Variants in MDFIC2 observed in about 807,000 individuals in gnomAD.
MDFIC2 encodes MyoD family inhibitor domain containing 2, also known as myoD family inhibitor domain-containing protein 2.
intron 2 of MDFIC2, among the ~76,000 whole-genome samples, chr3:70,281,681 C>G (rs1702085034): frequency 6.6e-6 from 1 of 152,132 alleles, no homozygotes; most frequent in Admixed American, 6.6e-5. Context: ...CTGAGGAATC[C>G]TCACCATCAT....
At chr3:70,262,207 A>G (rs925392276) in intron 2 of MDFIC2, among the ~76,000 whole-genome samples, 2 of 152,338 alleles carry the variant, frequency 1.3e-5, no homozygotes, top group Admixed American at 6.5e-5. Flanking sequence ...AAATCATATG[A>G]TGAAAGGATG....
At chr3:70,274,056 CGTGTGTGT>C (rs111792704) in intron 2 of MDFIC2, among the ~76,000 whole-genome samples, 3 of 142,952 alleles carry the variant, frequency 2.1e-5, no homozygotes, top group South Asian at 2.4e-4. Context: ...ATTAAACCTC[CGTGTGTGT>C]GTGTGTGTGT....
chr3:70,293,575 G>T (rs561402520), intron 2 of MDFIC2, among the ~76,000 whole-genome samples: 9 of 152,046 alleles, frequency 5.9e-5, no homozygotes, highest in Non-Finnish European at 1.2e-4. Flanking sequence ...AAACATCTGT[G>T]CCTTACTTGG....
chr3:70,236,195 A>G (rs1221479344), intron 2 of MDFIC2, among the ~76,000 whole-genome samples: 1 of 151,284 alleles, frequency 6.6e-6, no homozygotes, highest in Non-Finnish European at 1.5e-5. Flanking sequence ...CCAAACTAAA[A>G]TCGACTTGGC....
intron 2 of MDFIC2, among the ~76,000 whole-genome samples, chr3:70,308,424 G>T (rs538333516): frequency 4.3e-4 from 66 of 152,192 alleles, no homozygotes; most frequent in Non-Finnish European, 8.2e-4. Flanking sequence ...TCCAAGCATG[G>T]TTTTAAAATG....
At chr3:70,212,893 A>G (rs1332310139) in intron 2 of MDFIC2, among the ~76,000 whole-genome samples, 1 of 152,046 alleles carries the variant, frequency 6.6e-6, no homozygotes, top group Non-Finnish European at 1.5e-5. Context: ...TCCCAGACTC[A>G]GGTGATCCTC....
chr3:70,199,001 A>G (rs1701208869), intron 3 of MDFIC2, among the ~76,000 whole-genome samples: 1 of 152,224 alleles, frequency 6.6e-6, no homozygotes, highest in Non-Finnish European at 1.5e-5. Context: ...GACCACTACT[A>G]TAGCAGTGGC....
chr3:70,296,827 G>T (rs979288815), intron 2 of MDFIC2, among the ~76,000 whole-genome samples: 6 of 151,944 alleles, frequency 3.9e-5, no homozygotes, highest in Admixed American at 6.6e-5. Flanking sequence ...AGCTGGAGTG[G>T]TTTTTTTAAA....
At chr3:70,312,320 A>G (rs1181147519) in intron 1 of MDFIC2, among the ~76,000 whole-genome samples, 1 of 152,232 alleles carries the variant, frequency 6.6e-6, no homozygotes, top group Non-Finnish European at 1.5e-5. Context: ...TATAGCCTAT[A>G]GAAAAGCATG....
intron 2 of MDFIC2, among the ~76,000 whole-genome samples, chr3:70,294,432 A>G (rs899831220): frequency 1.3e-5 from 2 of 152,204 alleles, no homozygotes; most frequent in Non-Finnish European, 2.9e-5. Context: ...GAATATAGAA[A>G]GGAATAAGAA....
chr3:70,284,129 A>G (rs1273214105), intron 2 of MDFIC2, among the ~76,000 whole-genome samples: 1 of 152,162 alleles, frequency 6.6e-6, no homozygotes, highest in Non-Finnish European at 1.5e-5. Context: ...ACAACGTTCT[A>G]GTTAAAATTT....
rs71672662 is a variant in MDFIC2 at position 70,237,979 on chromosome 3, C to CTTTTTTTTTTTTTTTTTTTTTTTTTT, written c.89-31215_89-31190dup. On this transcript the variant is annotated intron_variant, in intron 2 of 3. Coordinates refer to ENST00000567252, the MANE Select transcript of MDFIC2 (RefSeq NM_001364677.1). The stretch of plus-strand genomic sequence containing the variant: ...GGAAAAGAAACTAATTGAGTGGTAT[C>CTTTTTTTTTTTTTTTTTTTTTTTTTT]TTTTTTTTTTTTTTTTTTTTTTTTT... 2.7e-4 allele frequency among the ~76,000 whole-genome samples: 13 copies of CTTTTTTTTTTTTTTTTTTTTTTTTTT among 48,942 alleles called. 3 individuals are homozygous for CTTTTTTTTTTTTTTTTTTTTTTTTTT. Among genetic ancestry groups the CTTTTTTTTTTTTTTTTTTTTTTTTTT allele is most frequent in the East Asian group, 1.0e-3 (1 of 994 alleles). 32.1% of individuals were successfully genotyped at this position (48,942 alleles called of 152,430 possible). A position where few individuals can be genotyped will look rare whatever the true frequency, so the allele number is the denominator to read the frequency against.
At chr3:70,302,062 A>G (rs1485775336) in intron 2 of MDFIC2, among the ~76,000 whole-genome samples, 1 of 152,114 alleles carries the variant, frequency 6.6e-6, no homozygotes, top group Non-Finnish European at 1.5e-5. Context: ...CTTATTTAAT[A>G]CTATACTTCT....
chr3:70,273,054 T>A lies in MDFIC2; in HGVS notation c.88+38832A>T, dbSNP rs916718114. ...TATCCTTCTCACTCTCCTGCCTACC[T>A]GTTGTCAAGGGAAGTTCAGCCAGTG... On this transcript the variant is annotated intron_variant, in intron 2 of 3. Transcript: ENST00000567252. Among the ~76,000 whole-genome samples, 20 of 152,286 alleles carry A rather than the reference T, an allele frequency of 1.3e-4. No homozygotes were observed. The South Asian group carries it at 3.9e-3, about 30-fold the overall frequency.
At chr3:70,278,477 C>G (rs1702049588) in intron 2 of MDFIC2, among the ~76,000 whole-genome samples, 1 of 152,118 alleles carries the variant, frequency 6.6e-6, no homozygotes, top group South Asian at 2.1e-4. Flanking sequence ...TGGATACTGC[C>G]TAGCAGTTTT....
chr3:70,225,940 T>C (rs1701501912), intron 2 of MDFIC2, among the ~76,000 whole-genome samples: 1 of 152,200 alleles, frequency 6.6e-6, no homozygotes, highest in Admixed American at 6.5e-5. Context: ...CCAAGTGGTC[T>C]TTTGATGATG....
chr3:70,259,629 C>A (rs1396775776), intron 2 of MDFIC2, among the ~76,000 whole-genome samples: 1 of 152,160 alleles, frequency 6.6e-6, no homozygotes, highest in African/African-American at 2.4e-5. Context: ...CATCTCTACA[C>A]CCTGAAAGTC....
intron 2 of MDFIC2, among the ~76,000 whole-genome samples, chr3:70,295,320 T>C (rs1042667902): frequency 3.3e-5 from 5 of 152,178 alleles, no homozygotes; most frequent in Admixed American, 2.6e-4. Flanking sequence ...TTGACCAAGA[T>C]TAACATCTAG....
Position 70,195,121 on chromosome 3 carries a change from A to G in MDFIC2, c.*1805T>C, listed in dbSNP as rs977306859. 1.3e-5 allele frequency among the ~76,000 whole-genome samples: 2 copies of G among 152,210 alleles called. No homozygotes were observed. Among genetic ancestry groups the G allele is most frequent in the African/African-American group, 4.8e-5 (2 of 41,458 alleles). On this transcript the variant is annotated 3_prime_UTR_variant, in exon 4 of 4. Transcript: ENST00000567252. The stretch of plus-strand genomic sequence containing the variant: ...CCAATAATTCACTGTGTGGTCTTGA[A>G]TAAGTCAGTTCATGGGGCCTCTCTT...
Sources: gnomAD v4.1 joint callset for allele counts (sites outside exome capture counted in the v4.1 genomes callset) on GRCh38, gnomAD v4.1.1 for gene constraint, MANE v1.5 for transcripts, NCBI Gene and HGNC (gene_info 2026-07-23, HGNC 2026-07-21) for gene names.